The following RAVER1 variants were observed in gnomAD, a reference collection of about 807,000 sequenced individuals.
RAVER1 encodes ribonucleoprotein, PTB binding 1.
RAVER1 carries 36 observed loss-of-function variants against 68.4 expected under a neutral mutation model. That is an observed-to-expected ratio of 0.53 (90% CI 0.40 to 0.70). The LOEUF is 0.70. Among genes scored for constraint, RAVER1 ranks in the 30% least tolerant of loss-of-function variants. RAVER1 has a pLI of 0.00. For missense variants in RAVER1, 933 were observed against 1,019.8 expected, an observed-to-expected ratio of 0.91 and a Z score of 1.16; for synonymous variants, 469 against 472.7, an observed-to-expected ratio of 0.99 and a Z score of 0.10.
chr19:10,325,178 G>T (rs755745676), intron 3 of RAVER1, among the ~76,000 whole-genome samples: 1 of 151,904 alleles, frequency 6.6e-6, no homozygotes, highest in East Asian at 1.9e-4. Flanking sequence ...CTACCACCAC[G>T]CCTGGCTAAT....
Position 10,316,696 on chromosome 19 carries a change from G to T in RAVER1, c.*758C>A. 2.4e-6 allele frequency: 1 copy of T among 415,280 alleles called. No homozygotes were observed. The highest frequency in any genetic ancestry group is 3.2e-6 in the Non-Finnish European group (1 of 308,044). The allele number at this position is 415,280 out of a possible 1,614,324, so 25.7% of individuals were successfully genotyped here. Reference sequence around the variant, plus strand: ...CTACTGTCCCCAGGGTGGAGATCCTGGGTAGGGTGGCCCAATCCCTAGGCC... The same window carrying T: ...CTACTGTCCCCAGGGTGGAGATCCTTGGTAGGGTGGCCCAATCCCTAGGCC... On this transcript the variant is annotated 3_prime_UTR_variant, in exon 13 of 13. Coordinates refer to ENST00000617231, the MANE Select transcript of RAVER1 (RefSeq NM_133452.3).
chr19:10,318,361 CGGG>C lies in RAVER1; in HGVS notation c.1854_1856del (p.Pro620del). 6.3e-7 allele frequency: 1 copy of C among 1,598,250 alleles called. No individual in the cohort carries two copies. The highest frequency in any genetic ancestry group is 8.5e-7 in the Non-Finnish European group (1 of 1,174,192). ...TGCTCCGTTCGCCGAAGCCACTGGG[CGGG>C]GGGGACATCTGTAGAAGAAGGGCCG... On this transcript the variant is annotated inframe_deletion, in exon 11 of 13. Transcript: ENST00000617231.
chr19:10,323,609 T>G lies in RAVER1; in HGVS notation c.757-43A>C, dbSNP rs1423283111. Reference sequence around the variant, plus strand: ...GCAGTCATGAGCATCTGGGCAGCAGTGACTGCACCACCCCGGGAAGTGACA... The same window carrying G: ...GCAGTCATGAGCATCTGGGCAGCAGGGACTGCACCACCCCGGGAAGTGACA... On this transcript the variant is annotated intron_variant, in intron 3 of 12. Transcript: ENST00000617231. This position sits in a 1 kb window ranked among gnomAD's most constrained non-coding sequence, Gnocchi z 6.2. The G allele has an allele frequency of 3.2e-6, 5 of 1,539,400 alleles. No individual in the cohort carries two copies. Among genetic ancestry groups the G allele is most frequent in the Admixed American group, 1.9e-5 (1 of 52,864 alleles).
intron 1 of RAVER1, among the ~76,000 whole-genome samples, chr19:10,331,378 A>T (rs1479260538): frequency 2.3e-5 from 3 of 130,022 alleles, no homozygotes; most frequent in African/African-American, 8.8e-5. Flanking sequence ...AAAAAAAAAA[A>T]AAAAATAACA....
chr19:10,321,395 G>T, intron 7 of RAVER1, 136 bp from the exon 8 acceptor site: 1 of 837,756 alleles, frequency 1.2e-6, no homozygotes. Flanking sequence ...GCTCATCCCT[G>T]GGCCCTGAGT....
At chr19:10,321,981 T>G (rs1012001222) in intron 6 of RAVER1, 3 of 178,394 alleles carry the variant, frequency 1.7e-5, no homozygotes, top group Admixed American at 1.3e-4. Context: ...ACACCTGACT[T>G]AGAATCCAGG....
Position 10,320,834 on chromosome 19 carries a change from C to T in RAVER1, c.1591G>A (p.Gly531Ser), listed in dbSNP as rs930553779. The T allele has an allele frequency of 1.3e-6, 2 of 1,516,652 alleles. No individual in the cohort carries two copies. The highest frequency in any genetic ancestry group is 8.8e-7 in the Non-Finnish European group (1 of 1,139,586). 93.9% of individuals were successfully genotyped at this position (1,516,652 alleles called of 1,614,324 possible). A position where few individuals can be genotyped will look rare whatever the true frequency, so the allele number is the denominator to read the frequency against. ...LAGKEARGWG[G>S]AGRSRRPAEG... ...GCTGGGCGGCGGCTTCTCCCGGCGC[C>T]TCCCCAGCCCCGGGCCTCCTTACCC... is the stretch of plus-strand genomic sequence containing the variant. Residue 531 changes from glycine to serine, a missense_variant, in exon 9 of 13, where the codon GGC (glycine) becomes AGC (serine). Gly to Ser is a moderately conservative substitution (Grantham distance 56). Around this residue, in one of 3 missense-constraint regions of RAVER1, gnomAD observed 699 missense variants for 731.1 expected, o/e 0.96. Transcript: ENST00000617231.
Position 10,321,546 on chromosome 19 carries a change from C to G in RAVER1, c.1246G>C (p.Gly416Arg). ...TCTGCGTTACCTGCAGGCAGCTCCCCGAGGAGGGGGTTGGCTGGCTGGGCC... is the reference window on the plus strand; with the variant it reads ...TCTGCGTTACCTGCAGGCAGCTCCCGGAGGAGGGGGTTGGCTGGCTGGGCC... Reference protein sequence around the residue: ...PGAQPANPLLGELPAGGGLPP... With the variant: ...PGAQPANPLLRELPAGGGLPP... The change falls in exon 7 of 13, where the codon GGG becomes CGG. Residue 416 changes from glycine to arginine, a missense_variant. Around this residue, in one of 3 missense-constraint regions of RAVER1, gnomAD observed 699 missense variants for 731.1 expected, o/e 0.96. Coordinates refer to ENST00000617231, the MANE Select transcript of RAVER1 (RefSeq NM_133452.3). The G allele has an allele frequency of 1.5e-6, 2 of 1,361,310 alleles. No homozygotes were observed. The highest frequency in any genetic ancestry group is 2.0e-4 in the Middle Eastern group (1 of 5,060). The allele number at this position is 1,361,310 out of a possible 1,614,324, so 84.3% of individuals were successfully genotyped here. A position where few individuals can be genotyped will look rare whatever the true frequency, so the allele number is the denominator to read the frequency against.
Position 10,321,030 on chromosome 19 carries a change from C to G in RAVER1, c.1473+18G>C, listed in dbSNP as rs755007357. 18 of 1,450,588 alleles carry G rather than the reference C, an allele frequency of 1.2e-5. No homozygotes were observed. Among genetic ancestry groups the G allele is most frequent in the Non-Finnish European group, 1.6e-5 (18 of 1,105,738 alleles). The allele number at this position is 1,450,588 out of a possible 1,614,324, so 89.9% of individuals were successfully genotyped here. A position where few individuals can be genotyped will look rare whatever the true frequency, so the allele number is the denominator to read the frequency against. ...AACAGGAGGCTGGTGTGGTGCCGCG[C>G]GCAGGGCAGGGCCTTACCCCAGGGG... On this transcript the variant is annotated intron_variant, in intron 8 of 12. Coordinates refer to ENST00000617231, the MANE Select transcript of RAVER1 (RefSeq NM_133452.3).
In RAVER1 at chr19:10,320,956, G is replaced by C; in HGVS notation, c.1474-5C>G. On this transcript the variant is annotated splice_polypyrimidine_tract_variant and splice_region_variant and intron_variant, in intron 8 of 12. Coordinates refer to ENST00000617231, the MANE Select transcript of RAVER1 (RefSeq NM_133452.3). Reference sequence around the variant, plus strand: ...GGGCTCCCCCAGCAGTGAGACCTGTGGCGGGAAGGCAGGATTCGAGAGGGC... The same window carrying C: ...GGGCTCCCCCAGCAGTGAGACCTGTCGCGGGAAGGCAGGATTCGAGAGGGC... 1 of 1,491,676 alleles carries C rather than the reference G, an allele frequency of 6.7e-7. No individual in the cohort carries two copies. Among genetic ancestry groups the C allele is most frequent in the Non-Finnish European group, 8.9e-7 (1 of 1,128,276 alleles). 92.4% of individuals were successfully genotyped at this position (1,491,676 alleles called of 1,614,324 possible). A position where few individuals can be genotyped will look rare whatever the true frequency, so the allele number is the denominator to read the frequency against.
chr19:10,331,474 TC>T, intron 1 of RAVER1, among the ~76,000 whole-genome samples: 1 of 132,222 alleles, frequency 7.6e-6, no homozygotes, highest in South Asian at 2.7e-4. Flanking sequence ...GGTCACAAGA[TC>T]AAGAGATCGA....
Position 10,320,785 on chromosome 19 carries a change from G to T in RAVER1, c.1640C>A (p.Pro547Gln). The T allele has an allele frequency of 6.6e-7, 1 of 1,520,228 alleles. No individual in the cohort carries two copies. The highest frequency in any genetic ancestry group is 8.8e-7 in the Non-Finnish European group (1 of 1,141,850). The allele number at this position is 1,520,228 out of a possible 1,614,324, so 94.2% of individuals were successfully genotyped here. ...RPAEGPPTNP[P>Q]APGGGSSSSK... ...GCTGCTGCTGCCACCTCCAGGGGCT[G>T]GGGGGTTAGTTGGGGGGCCCTCAGC... The change falls in exon 9 of 13, where the codon CCA becomes CAA. Residue 547 changes from proline to glutamine, a missense_variant. This residue lies in a region of RAVER1 where 699 missense variants were observed against 731.1 expected (regional missense o/e 0.96). Coordinates refer to ENST00000617231, the MANE Select transcript of RAVER1 (RefSeq NM_133452.3).
At chr19:10,330,263 C>T (rs1011456707) in intron 2 of RAVER1, among the ~76,000 whole-genome samples, 197 bp downstream of exon 2, 5 of 152,134 alleles carry the variant, frequency 3.3e-5, no homozygotes, top group Admixed American at 6.6e-5. Flanking sequence ...AGAATCAGCC[C>T]GATGCCCAGT....
In RAVER1 at chr19:10,317,804, C is replaced by T. The variant is rs756117026; in HGVS notation, c.1990-31G>A. 28 of 1,349,316 alleles carry T rather than the reference C, an allele frequency of 2.1e-5. No homozygotes were observed. The Admixed American group carries it at 2.5e-4, about 12-fold the overall frequency. 83.6% of individuals were successfully genotyped at this position (1,349,316 alleles called of 1,614,324 possible). ...AGAAATGGAGAGGTGGAACAGGTCA[C>T]TCCCTGGGGGCCAGAGGAAGCACCC... On this transcript the variant is annotated intron_variant, in intron 11 of 12. Transcript: ENST00000617231. The surrounding 1 kb of genome is among the most constrained non-coding windows in gnomAD (Gnocchi z 4.3).
In RAVER1 at chr19:10,317,392, AAC is replaced by A; in HGVS notation, c.*60_*61del. The A allele has an allele frequency of 6.4e-7, 1 of 1,553,152 alleles. No homozygotes were observed. Among genetic ancestry groups the A allele is most frequent in the Non-Finnish European group, 8.8e-7 (1 of 1,130,594 alleles). On this transcript the variant is annotated 3_prime_UTR_variant, in exon 13 of 13. Transcript: ENST00000617231. The surrounding 1 kb of genome is among the most constrained non-coding windows in gnomAD (Gnocchi z 4.3). ...ATGGTTTAAAAAAAACACAAAACAA[AAC>A]ATCAGAAAACCCAAAAGCGATTTGG...
chr19:10,333,230 C>T lies in RAVER1; in HGVS notation c.219+59G>A. ...CTCAGCGTTGGTGTCGCCCGGTTCCCCCCGCGCACGCGCACCGTGGTATTT... is the reference window on the plus strand; with the variant it reads ...CTCAGCGTTGGTGTCGCCCGGTTCCTCCCGCGCACGCGCACCGTGGTATTT... On this transcript the variant is annotated intron_variant, in intron 1 of 12. Transcript: ENST00000617231. This position sits in a 1 kb window ranked among gnomAD's most constrained non-coding sequence, Gnocchi z 4.2. 1 of 1,516,384 alleles carries T rather than the reference C, an allele frequency of 6.6e-7. No homozygotes were observed. 93.9% of individuals were successfully genotyped at this position (1,516,384 alleles called of 1,614,324 possible). A position where few individuals can be genotyped will look rare whatever the true frequency, so the allele number is the denominator to read the frequency against.
At chr19:10,324,381 T>C (rs958876536) in intron 3 of RAVER1, among the ~76,000 whole-genome samples, 10 of 151,918 alleles carry the variant, frequency 6.6e-5, no homozygotes, top group Non-Finnish European at 1.3e-4. Flanking sequence ...CTGTCGGCTT[T>C]TGTTTTGTTT....
At chr19:10,325,471 C>T (rs2040467987) in intron 3 of RAVER1, among the ~76,000 whole-genome samples, 2 of 152,088 alleles carry the variant, frequency 1.3e-5, no homozygotes, top group South Asian at 2.1e-4. Flanking sequence ...CCTCGTGATG[C>T]ACCCACCTCG....
rs2145089222 is a variant in RAVER1, at chr19:10,333,428, G to A, written c.80C>T (p.Ala27Val). The A allele has an allele frequency of 2.5e-6, 4 of 1,613,418 alleles. No homozygotes were observed. The highest frequency in any genetic ancestry group is 3.4e-6 in the Non-Finnish European group (4 of 1,179,796). The change falls in exon 1 of 13, where the codon GCG becomes GTG. Residue 27 changes from alanine (A) to valine (V), a missense_variant. Transcript: ENST00000617231. This position sits in a 1 kb window ranked among gnomAD's most constrained non-coding sequence, Gnocchi z 4.2. Reference protein sequence around the residue: ...SGAEVEAGDAAERRAPEEELP... With the variant: ...SGAEVEAGDAVERRAPEEELP... The stretch of plus-strand genomic sequence containing the variant: ...CTCTTCTTCCGGCGCCCGGCGCTCC[G>A]CGGCATCGCCGGCTTCGACTTCGGC...
Sources: gnomAD v4.1 joint callset for allele counts (sites outside exome capture counted in the v4.1 genomes callset) on GRCh38, gnomAD v4.1.1 for gene constraint, gnomAD v4.1.1 regional missense constraint, Gnocchi (gnomAD v3.1) non-coding constraint, MANE v1.5 for transcripts, NCBI Gene and HGNC (gene_info 2026-07-23, HGNC 2026-07-21) for gene names.